The following PARK7 variants were observed in gnomAD, a reference collection of about 807,000 sequenced individuals.
PARK7 encodes Parkinson disease protein 7.
A neutral mutation model predicts 20.5 loss-of-function variants in PARK7; 14 were observed. The ratio of observed to expected loss-of-function variants is 0.68; its 90% CI spans 0.45 to 1.07. The LOEUF (loss-of-function observed/expected upper bound fraction) is 1.07, where lower values mean the gene tolerates loss of function less well. Among genes scored for constraint, PARK7 ranks in the 50% least tolerant of loss-of-function variants. The probability of loss-of-function intolerance (pLI) is 0.00; values close to 1 mark genes in which losing one functional copy is unlikely to be tolerated. For synonymous variants in PARK7, 98 were observed against 84.3 expected, an observed-to-expected ratio of 1.16 and a Z score of -0.89; for missense variants, 234 against 238.1, an observed-to-expected ratio of 0.98 and a Z score of 0.11.
intron 6 of PARK7, among the ~76,000 whole-genome samples, chr1:7,977,941 G>A (rs988577893): frequency 1.5e-5 from 2 of 130,044 alleles, no homozygotes; most frequent in Non-Finnish European, 3.2e-5. Flanking sequence ...TGTATTTTTA[G>A]TAGAGATGGA....
chr1:7,965,268 T>C, intron 2 of PARK7, 56 bp from the exon 3 acceptor site: 4 of 1,481,578 alleles, frequency 2.7e-6, no homozygotes, highest in Non-Finnish European at 3.8e-6. Flanking sequence ...TTAAAGACAG[T>C]GTTACTCTGA....
At chr1:7,970,862 A>G in intron 4 of PARK7, 32 bp from the exon 5 acceptor site, 1 of 1,611,638 alleles carries the variant, frequency 6.2e-7, no homozygotes, top group Non-Finnish European at 8.5e-7. Context: ...CTTAATGATA[A>G]CTTTATGTAT....
intron 5 of PARK7, 50 bp downstream of exon 5, chr1:7,971,013 G>C (rs748889370): frequency 6.3e-7 from 1 of 1,589,562 alleles, no homozygotes; most frequent in East Asian, 2.2e-5. Flanking sequence ...GGGTGGGGTA[G>C]CCTTTCATTC....
chr1:7,981,622 T>A (rs1640709815), intron 6 of PARK7, among the ~76,000 whole-genome samples: 2 of 151,746 alleles, frequency 1.3e-5, no homozygotes, highest in East Asian at 3.9e-4. Flanking sequence ...GCCTCGGCCC[T>A]CAGGCTTGTC....
chr1:7,968,314 AAAAAG>A (rs1640372423), intron 3 of PARK7, among the ~76,000 whole-genome samples: 1 of 151,098 alleles, frequency 6.6e-6, no homozygotes, highest in Non-Finnish European at 1.5e-5. Context: ...AAAAAAAAAA[AAAAAG>A]AAAAGAAAAA....
At chr1:7,972,764 C>T (rs1322791300) in intron 5 of PARK7, among the ~76,000 whole-genome samples, 1 of 152,026 alleles carries the variant, frequency 6.6e-6, no homozygotes, top group Non-Finnish European at 1.5e-5. Context: ...GTTAGCTGGG[C>T]ATGGTGGTGC....
At chr1:7,978,128 C>T (rs1276610726) in intron 6 of PARK7, among the ~76,000 whole-genome samples, 1 of 149,946 alleles carries the variant, frequency 6.7e-6, no homozygotes, top group Non-Finnish European at 1.5e-5. Context: ...TCCTGAGTAG[C>T]TGGGATCACA....
At chr1:7,979,451 C>G (rs1640665175) in intron 6 of PARK7, among the ~76,000 whole-genome samples, 1 of 152,152 alleles carries the variant, frequency 6.6e-6, no homozygotes, top group Non-Finnish European at 1.5e-5. Flanking sequence ...ATTCTACATA[C>G]AGTTACATTT....
rs746754548 is a variant in PARK7 at position 7,985,388 on chromosome 1, G to GT, written c.*335dup. 13 of 343,878 alleles carry GT rather than the reference G, an allele frequency of 3.8e-5. No homozygotes were observed. Among genetic ancestry groups the GT allele is most frequent in the African/African-American group, 6.4e-5 (3 of 47,054 alleles). 21.3% of individuals were successfully genotyped at this position (343,878 alleles called of 1,614,324 possible). A position where few individuals can be genotyped will look rare whatever the true frequency, so the allele number is the denominator to read the frequency against. On this transcript the variant is annotated 3_prime_UTR_variant, in exon 7 of 7. Coordinates refer to ENST00000338639, the MANE Select transcript of PARK7 (RefSeq NM_007262.5). ...CATATGGCACTGAAATAAAAGAACAGTGACCACATTTTACACAGCAAGGAG... is the reference window on the plus strand; with the variant it reads ...CATATGGCACTGAAATAAAAGAACAGTTGACCACATTTTACACAGCAAGGAG...
Position 7,970,885 on chromosome 1 carries a change from T to G in PARK7, c.253-9T>G. ...TAACTTTATGTATTTTTGGTTTTCTTTTCACTAGTCTGCTGCTGTGAAGGA... is the reference window on the plus strand; with the variant it reads ...TAACTTTATGTATTTTTGGTTTTCTGTTCACTAGTCTGCTGCTGTGAAGGA... On this transcript the variant is annotated splice_polypyrimidine_tract_variant and intron_variant, in intron 4 of 6. Transcript: ENST00000338639. 2 of 1,614,174 alleles carry G rather than the reference T, an allele frequency of 1.2e-6. No individual in the cohort carries two copies. Among genetic ancestry groups the G allele is most frequent in the Non-Finnish European group, 1.7e-6 (2 of 1,180,018 alleles).
At chr1:7,966,150 G>C (rs1293344140) in intron 3 of PARK7, among the ~76,000 whole-genome samples, 1 of 152,044 alleles carries the variant, frequency 6.6e-6, no homozygotes, top group Non-Finnish European at 1.5e-5. Flanking sequence ...CGGTCAGCGT[G>C]ACAGGAGTGT....
chr1:7,964,093 G>A (rs1004400015), intron 2 of PARK7, among the ~76,000 whole-genome samples: 2 of 152,182 alleles, frequency 1.3e-5, no homozygotes, highest in African/African-American at 4.8e-5. Flanking sequence ...GATTACAGAT[G>A]TGAGCTACTG....
At chr1:7,969,010 G>T (rs1464534579) in intron 3 of PARK7, 1 of 226,164 alleles carries the variant, frequency 4.4e-6, no homozygotes, top group African/African-American at 2.3e-5. Context: ...AATATGTGGG[G>T]TGGGGTGCTT....
intron 5 of PARK7, 134 bp from the exon 6 acceptor site, chr1:7,977,518 C>T: frequency 4.1e-6 from 3 of 738,068 alleles, no homozygotes; most frequent in Non-Finnish European, 6.9e-6. Context: ...TTCCTGGGCT[C>T]AAGCAATTTT....
chr1:7,969,821 G>A (rs150902752), intron 4 of PARK7, among the ~76,000 whole-genome samples: 2,733 of 151,996 alleles, frequency 0.018, 39 homozygotes, highest in Non-Finnish European at 0.03. Context: ...CTCGTGATCC[G>A]CCCACCTCGG....
rs11121066 is a variant in PARK7, at chr1:7,974,142, A to G, written c.322+3179A>G. 5.0e-3 allele frequency among the ~76,000 whole-genome samples: 691 copies of G among 138,062 alleles called. 55 individuals carry two copies. Among genetic ancestry groups the G allele is most frequent in the Non-Finnish European group, 8.4e-3 (517 of 61,686 alleles). 90.6% of individuals were successfully genotyped at this position (138,062 alleles called of 152,430 possible). A position where few individuals can be genotyped will look rare whatever the true frequency, so the allele number is the denominator to read the frequency against. ...CTGGGCAACATAGTGAGACCCCCCCACCGACCTCTACAAAAAAATATTTTA... is the reference window on the plus strand; with the variant it reads ...CTGGGCAACATAGTGAGACCCCCCCGCCGACCTCTACAAAAAAATATTTTA... On this transcript the variant is annotated intron_variant, in intron 5 of 6. Coordinates refer to ENST00000338639, the MANE Select transcript of PARK7 (RefSeq NM_007262.5).
chr1:7,962,263 C>A (rs1007068699), intron 1 of PARK7, among the ~76,000 whole-genome samples: 1 of 152,036 alleles, frequency 6.6e-6, no homozygotes, highest in Admixed American at 6.6e-5. Context: ...CTGTTGACCC[C>A]CACACACAAT....
At chr1:7,973,654 C>T (rs566498336) in intron 5 of PARK7, among the ~76,000 whole-genome samples, 4 of 138,976 alleles carry the variant, frequency 2.9e-5, no homozygotes, top group African/African-American at 1.1e-4. Flanking sequence ...GTGGAGGTTG[C>T]AGTGAGCCAA....
chr1:7,977,591 C>G (rs757761517), intron 5 of PARK7, 61 bp from the exon 6 acceptor site: 2 of 1,471,378 alleles, frequency 1.4e-6, no homozygotes, highest in Non-Finnish European at 1.9e-6. Flanking sequence ...GGCACTATTG[C>G]GATTTTTTAA....
Sources: gnomAD v4.1 joint callset for allele counts (sites outside exome capture counted in the v4.1 genomes callset) on GRCh38, gnomAD v4.1.1 for gene constraint, MANE v1.5 for transcripts, NCBI Gene and HGNC (gene_info 2026-07-23, HGNC 2026-07-21) for gene names.